NHLRC2: variants seen among roughly 807,000 people sequenced by gnomAD.
NHLRC2 encodes the protein NHL repeat containing 2.
Under a neutral mutation model 68.1 loss-of-function variants are expected in NHLRC2, and 33 were observed. The observed-to-expected ratio is 0.48, with a 90% CI of 0.37 to 0.65. The LOEUF (loss-of-function observed/expected upper bound fraction) is 0.65, where lower values mean the gene tolerates loss of function less well. Among genes scored for constraint, NHLRC2 ranks in the 30% least tolerant of loss-of-function variants. NHLRC2 has a pLI of 0.00. For synonymous variants in NHLRC2, 311 were observed against 309.6 expected (o/e 1.00, Z -0.05); for missense variants, 761 against 853.8 (o/e 0.89, Z 1.35).
intron 5 of NHLRC2, among the ~76,000 whole-genome samples, chr10:113,895,407 A>G (rs1288140994): frequency 6.6e-6 from 1 of 152,200 alleles, no homozygotes; most frequent in Admixed American, 6.5e-5. Context: ...AATATGTAAC[A>G]TGTAAGATAG....
At position 113,910,850 on chromosome 10, in the gene NHLRC2, C is replaced by CA. The variant is rs1477392016; in HGVS notation, c.*2314_*2315insA. 6.6e-6 allele frequency: 1 copy of CA among 151,966 alleles called. No individual in the cohort carries two copies. The highest frequency in any genetic ancestry group is 1.5e-5 in the Non-Finnish European group (1 of 67,958). The allele number at this position is 151,966 out of a possible 1,614,324, so 9.4% of individuals were successfully genotyped here. A position where few individuals can be genotyped will look rare whatever the true frequency, so the allele number is the denominator to read the frequency against. ...TTTTATTGAACATTCTTATTCTTAC[C>CA]CACTGCCAGTCTGCATTGTTTTTTA... On this transcript the variant is annotated 3_prime_UTR_variant, in exon 11 of 11. Coordinates refer to ENST00000369301, the MANE Select transcript of NHLRC2 (RefSeq NM_198514.4).
intron 2 of NHLRC2, among the ~76,000 whole-genome samples, chr10:113,867,468 C>G (rs1845879000): frequency 6.6e-6 from 1 of 152,174 alleles, no homozygotes; most frequent in African/African-American, 2.4e-5. Flanking sequence ...ATTTAGTGTT[C>G]AGCGATTTTG....
intron 5 of NHLRC2, among the ~76,000 whole-genome samples, chr10:113,892,931 T>G (rs1846145635): frequency 6.6e-6 from 1 of 152,192 alleles, no homozygotes; most frequent in South Asian, 2.1e-4. Context: ...CTTAGAACAG[T>G]GTCTGGTGCA....
At chr10:113,895,206 G>A (rs1049918941) in intron 5 of NHLRC2, among the ~76,000 whole-genome samples, 1 of 152,180 alleles carries the variant, frequency 6.6e-6, no homozygotes, top group Admixed American at 6.5e-5. Context: ...ACCATCATTA[G>A]GATAGCTTTA....
At chr10:113,862,388 C>T (rs1470121219) in intron 2 of NHLRC2, among the ~76,000 whole-genome samples, 1 of 150,464 alleles carries the variant, frequency 6.6e-6, no homozygotes, top group South Asian at 2.1e-4. Context: ...AATGTAATTC[C>T]TCTGGTTACC....
chr10:113,892,074 T>C (rs958051944), intron 5 of NHLRC2, among the ~76,000 whole-genome samples: 4 of 152,192 alleles, frequency 2.6e-5, no homozygotes, highest in African/African-American at 9.7e-5. Flanking sequence ...CTTAAGACTT[T>C]GATTCATAAG....
At chr10:113,893,435 A>G (rs1846150264) in intron 5 of NHLRC2, among the ~76,000 whole-genome samples, 1 of 152,222 alleles carries the variant, frequency 6.6e-6, no homozygotes, top group South Asian at 2.1e-4. Context: ...GGCTTTTTAT[A>G]AAATGAAGAT....
chr10:113,871,653 A>C (rs1310267144), intron 2 of NHLRC2, among the ~76,000 whole-genome samples: 1 of 152,184 alleles, frequency 6.6e-6, no homozygotes, highest in Non-Finnish European at 1.5e-5. Context: ...CAAAGTATGA[A>C]AGATTAGTGT....
At chr10:113,884,101 TTC>T (rs1458215636) in intron 4 of NHLRC2, 148 bp from the exon 5 acceptor site, 1 of 523,148 alleles carries the variant, frequency 1.9e-6, no homozygotes, top group African/African-American at 1.9e-5. Context: ...AAGAAGTTCA[TTC>T]TATAATTGAT....
intron 2 of NHLRC2, among the ~76,000 whole-genome samples, chr10:113,860,413 A>G (rs1845803951): frequency 6.6e-6 from 1 of 152,190 alleles, no homozygotes; most frequent in Non-Finnish European, 1.5e-5. Flanking sequence ...AAATATTTTT[A>G]TATACAAATA....
At chr10:113,864,554 G>T (rs1286945214) in intron 2 of NHLRC2, among the ~76,000 whole-genome samples, 1 of 151,872 alleles carries the variant, frequency 6.6e-6, no homozygotes, top group African/African-American at 2.4e-5. Context: ...AAAAATTGCT[G>T]GGTGTGGTGG....
chr10:113,870,541 C>G (rs78920361), intron 2 of NHLRC2, among the ~76,000 whole-genome samples: 144 of 152,328 alleles, frequency 9.5e-4, no homozygotes, highest in Non-Finnish European at 1.5e-3. Flanking sequence ...AGCCACTCTC[C>G]TATCCTGTGT....
chr10:113,864,437 C>T (rs767315670), intron 2 of NHLRC2, among the ~76,000 whole-genome samples: 11 of 152,156 alleles, frequency 7.2e-5, no homozygotes, highest in Non-Finnish European at 1.2e-4. Context: ...TGGTGTCTCA[C>T]GCCTATAATC....
In NHLRC2 at chr10:113,901,928, C is replaced by T. The variant is rs7923423; in HGVS notation, c.1371+31C>T. 603 of 1,401,398 alleles carry T rather than the reference C, an allele frequency of 4.3e-4. 3 individuals are homozygous for T. The African/African-American group carries it at 6.6e-3, about 15-fold the overall frequency. The allele number at this position is 1,401,398 out of a possible 1,614,324, so 86.8% of individuals were successfully genotyped here. On this transcript the variant is annotated intron_variant, in intron 7 of 10. Coordinates refer to ENST00000369301, the MANE Select transcript of NHLRC2 (RefSeq NM_198514.4). ...GACAGTCACTCTTGCACAGTGCGCTCGGACACTGAGCAAGCTGTCAATTTT... is the reference window on the plus strand; with the variant it reads ...GACAGTCACTCTTGCACAGTGCGCTTGGACACTGAGCAAGCTGTCAATTTT...
rs189549896 is a variant in NHLRC2 at position 113,882,355 on chromosome 10, G to A, written c.910-1896G>A. Among the ~76,000 whole-genome samples, 188 of 151,796 alleles carry A rather than the reference G, an allele frequency of 1.2e-3. 4 individuals are homozygous for A. Among genetic ancestry groups the A allele is most frequent in the East Asian group, 1.9e-4 (1 of 5,188 alleles). On this transcript the variant is annotated intron_variant, in intron 4 of 10. Coordinates refer to ENST00000369301, the MANE Select transcript of NHLRC2 (RefSeq NM_198514.4). ...GGTTCCAATTTTCTACATGTTCACCGTCACTTGTTATTTTTCATTTTTTAA... is the reference window on the plus strand; with the variant it reads ...GGTTCCAATTTTCTACATGTTCACCATCACTTGTTATTTTTCATTTTTTAA...
At chr10:113,901,639 C>G (rs1213398563) in intron 6 of NHLRC2, 27 bp from the exon 7 acceptor site, 4 of 1,418,728 alleles carry the variant, frequency 2.8e-6, no homozygotes, top group Non-Finnish European at 3.0e-6. Context: ...CACATGTTGA[C>G]TCCACCTATG....
intron 2 of NHLRC2, among the ~76,000 whole-genome samples, chr10:113,871,086 G>A (rs956026095): frequency 9.3e-5 from 13 of 140,294 alleles, no homozygotes; most frequent in East Asian, 6.2e-4. Flanking sequence ...GTACAGTGGC[G>A]TGATCTCGGT....
chr10:113,895,606 A>G (rs1846169020), intron 5 of NHLRC2, among the ~76,000 whole-genome samples: 1 of 152,114 alleles, frequency 6.6e-6, no homozygotes, highest in South Asian at 2.1e-4. Flanking sequence ...CAAATTATTT[A>G]GCACCTAACA....
chr10:113,876,595 G>C lies in NHLRC2; in HGVS notation c.406G>C (p.Val136Leu). The C allele has an allele frequency of 6.2e-7, 1 of 1,613,662 alleles. No homozygotes were observed. The highest frequency in any genetic ancestry group is 8.5e-7 in the Non-Finnish European group (1 of 1,179,710). Residue 136 changes from valine (V) to leucine (L), a missense_variant, in exon 3 of 11, where the codon GTT becomes CTT. Physicochemically the swap from Val to Leu is conservative, Grantham distance 32 (BLOSUM62 1). Coordinates refer to ENST00000369301, the MANE Select transcript of NHLRC2 (RefSeq NM_198514.4). Reference protein sequence around the residue: ...EKVLDNIKSAVLRYNITHPMV... With the variant: ...EKVLDNIKSALLRYNITHPMV... The stretch of plus-strand genomic sequence containing the variant: ...AGTCCTGGATAACATTAAGAGTGCT[G>C]TTCTTCGATACAACATCACCCACCC...
Sources: gnomAD v4.1 joint callset for allele counts (sites outside exome capture counted in the v4.1 genomes callset) on GRCh38, gnomAD v4.1.1 for gene constraint, MANE v1.5 for transcripts, NCBI Gene and HGNC (gene_info 2026-07-23, HGNC 2026-07-21) for gene names.